The following THSD7B variants were observed in gnomAD, a reference collection of about 807,000 sequenced individuals.
THSD7B encodes the protein thrombospondin type-1 domain-containing protein 7B.
In THSD7B, 138 loss-of-function variants were observed where a neutral mutation model predicts 213.6. The ratio of observed to expected loss-of-function variants is 0.65; its 90% CI spans 0.56 to 0.74. The LOEUF is 0.74. Ranked by LOEUF, THSD7B falls within the 30% of genes least tolerant of loss-of-function variation. The probability of loss-of-function intolerance (pLI) is 0.00; values close to 1 mark genes in which losing one functional copy is unlikely to be tolerated. For synonymous variants in THSD7B, 742 were observed against 687.0 expected, an observed-to-expected ratio of 1.08 and a Z score of -1.25; for missense variants, 1,931 against 1,991.5, an observed-to-expected ratio of 0.97 and a Z score of 0.58.
intron 2 of THSD7B, among the ~76,000 whole-genome samples, chr2:137,010,294 A>G (rs1483005190): frequency 2.0e-5 from 3 of 152,250 alleles, no homozygotes; most frequent in Non-Finnish European, 4.4e-5. Context: ...TTTCCAAAAT[A>G]GTAACACTAT....
intron 12 of THSD7B, among the ~76,000 whole-genome samples, chr2:137,398,560 T>C (rs1686260643): frequency 6.6e-6 from 1 of 151,702 alleles, no homozygotes; most frequent in Non-Finnish European, 1.5e-5. Flanking sequence ...ACCACTGCTC[T>C]CTTCAAAGCT....
chr2:137,110,572 G>C (rs1688330367), intron 4 of THSD7B, among the ~76,000 whole-genome samples: 1 of 152,148 alleles, frequency 6.6e-6, no homozygotes, highest in African/African-American at 2.4e-5. Context: ...CATAAATGGA[G>C]GGCAGGTTTC....
intron 12 of THSD7B, among the ~76,000 whole-genome samples, chr2:137,309,968 C>T (rs76817825): frequency 0.38 from 57,044 of 151,100 alleles, 11,264 homozygotes; most frequent in Non-Finnish European, 0.45. Context: ...AATAAACATA[C>T]GTGTGCATGT....
intron 2 of THSD7B, among the ~76,000 whole-genome samples, chr2:136,911,947 A>T (rs1162075767): frequency 6.6e-6 from 1 of 152,172 alleles, no homozygotes; most frequent in Non-Finnish European, 1.5e-5. Flanking sequence ...GGATGGATGG[A>T]TGAATAGCAG....
At chr2:137,638,778 C>A (rs545860778) in intron 20 of THSD7B, among the ~76,000 whole-genome samples, 2 of 152,234 alleles carry the variant, frequency 1.3e-5, no homozygotes, top group South Asian at 4.1e-4. Flanking sequence ...AAAGGTGACT[C>A]TTGTTATGTT....
At chr2:137,042,377 G>T (rs1686899565) in intron 2 of THSD7B, among the ~76,000 whole-genome samples, 1 of 152,254 alleles carries the variant, frequency 6.6e-6, no homozygotes, top group Admixed American at 6.5e-5. Context: ...AAAGTATCAT[G>T]CATGCAAAAT....
intron 17 of THSD7B, among the ~76,000 whole-genome samples, chr2:137,610,530 A>G (rs1682269355): frequency 6.6e-6 from 1 of 152,100 alleles, no homozygotes; most frequent in African/African-American, 2.4e-5. Flanking sequence ...ATGGTCAACA[A>G]CAGTTTTTGA....
intron 17 of THSD7B, among the ~76,000 whole-genome samples, chr2:137,576,042 A>C (rs974881233): frequency 1.3e-5 from 2 of 152,210 alleles, no homozygotes; most frequent in African/African-American, 4.8e-5. Context: ...TCTTCAAGAG[A>C]AGTTTATAAA....
rs1688255975 is a variant in THSD7B, at chr2:137,479,405, GC to G, written c.3138+28383del. 3 of 285,212 alleles carry G rather than the reference GC, an allele frequency of 1.1e-5. No homozygotes were observed. The Admixed American group carries it at 1.3e-4, about 13-fold the overall frequency. The allele number at this position is 285,212 out of a possible 1,614,324, so 17.7% of individuals were successfully genotyped here. ...CTGGGCTTGGTGGGCCTGTCCTCTG[GC>G]TTCCCAGTGGTGCATGCAGGTGCTG... On this transcript the variant is annotated intron_variant, in intron 15 of 27. Transcript: ENST00000409968.
At chr2:136,789,454 C>T (rs527967970) in intron 1 of THSD7B, among the ~76,000 whole-genome samples, 24 of 151,872 alleles carry the variant, frequency 1.6e-4, no homozygotes, top group African/African-American at 5.8e-4. Flanking sequence ...GCATATCTAC[C>T]ACCTTAAATA....
intron 15 of THSD7B, among the ~76,000 whole-genome samples, chr2:137,546,915 G>A (rs1197854677): frequency 6.6e-6 from 1 of 151,870 alleles, no homozygotes; most frequent in Non-Finnish European, 1.5e-5. Context: ...ACCAGGTACA[G>A]GTTAGCCTTA....
At chr2:137,574,765 A>G (rs1475754358) in intron 17 of THSD7B, among the ~76,000 whole-genome samples, 3 of 152,122 alleles carry the variant, frequency 2.0e-5, no homozygotes, top group Admixed American at 6.6e-5. Flanking sequence ...AGATCTTAGC[A>G]TAATGTCCCG....
chr2:137,583,894 T>C (rs1055087944), intron 17 of THSD7B, among the ~76,000 whole-genome samples: 1 of 152,198 alleles, frequency 6.6e-6, no homozygotes, highest in African/African-American at 2.4e-5. Flanking sequence ...GGTAGCTTGA[T>C]GGGGATGACA....
chr2:137,230,950 T>C, intron 7 of THSD7B, 94 bp from the exon 8 acceptor site: 1 of 1,202,370 alleles, frequency 8.3e-7, no homozygotes, highest in Non-Finnish European at 1.2e-6. Context: ...GAAACTATCA[T>C]TTTTGGGGGG....
At chr2:137,187,397 A>G (rs539006777) in intron 7 of THSD7B, among the ~76,000 whole-genome samples, 2 of 152,358 alleles carry the variant, frequency 1.3e-5, no homozygotes, top group African/African-American at 2.4e-5. Context: ...GTTTTTTACA[A>G]AGCTCAAGAG....
chr2:137,155,037 A>G (rs1294763406), intron 5 of THSD7B, among the ~76,000 whole-genome samples: 1 of 152,234 alleles, frequency 6.6e-6, no homozygotes, highest in Non-Finnish European at 1.5e-5. Context: ...TGAAAATTCC[A>G]GTTTAGACAC....
intron 12 of THSD7B, among the ~76,000 whole-genome samples, chr2:137,296,263 T>C (rs1683461038): frequency 2.0e-5 from 3 of 152,180 alleles, no homozygotes; most frequent in Non-Finnish European, 4.4e-5. Flanking sequence ...AATTTTTTCA[T>C]AGTTTTCTTC....
At chr2:137,264,095 G>A (rs565942147) in intron 10 of THSD7B, among the ~76,000 whole-genome samples, 120 of 152,232 alleles carry the variant, frequency 7.9e-4, no homozygotes, top group African/African-American at 2.6e-3. Context: ...CATGTAGCAG[G>A]TACCTCACAA....
rs537977326 is a variant in THSD7B, at chr2:137,314,321, C to T, written c.2500+38295C>T. Among the ~76,000 whole-genome samples, 8 of 152,332 alleles carry T rather than the reference C, an allele frequency of 5.3e-5. No homozygotes were observed. In the South Asian group the frequency reaches 1.7e-3, roughly 32 times the overall value. Reference sequence around the variant, plus strand: ...CATCGGCTCCTGAGGCTTCTGCATTCTTCACGTAGTTCTTGAGCCTTGGTT... The same window carrying T: ...CATCGGCTCCTGAGGCTTCTGCATTTTTCACGTAGTTCTTGAGCCTTGGTT... On this transcript the variant is annotated intron_variant, in intron 12 of 27. Coordinates refer to ENST00000409968, the MANE Select transcript of THSD7B (RefSeq NM_001316349.2).
Sources: gnomAD v4.1 joint callset for allele counts (sites outside exome capture counted in the v4.1 genomes callset) on GRCh38, gnomAD v4.1.1 for gene constraint, MANE v1.5 for transcripts, NCBI Gene and HGNC (gene_info 2026-07-23, HGNC 2026-07-21) for gene names.